Variants in SLC6A19 observed in about 807,000 individuals in gnomAD.
SLC6A19 encodes the protein solute carrier family 6 member 19.
In SLC6A19, 67 loss-of-function variants were observed where a neutral mutation model predicts 68.3. The observed-to-expected ratio is 0.98, with a 90% CI of 0.81 to 1.20. The LOEUF (loss-of-function observed/expected upper bound fraction) is 1.20. Among genes scored for constraint, SLC6A19 ranks in the 50% most tolerant of loss-of-function variants. The pLI, the probability that SLC6A19 is intolerant of heterozygous loss-of-function variation, is 0.00. For synonymous variants in SLC6A19, 392 were observed against 374.9 expected, an observed-to-expected ratio of 1.05 and a Z score of -0.53; for missense variants, 813 against 851.6, an observed-to-expected ratio of 0.95 and a Z score of 0.56.
chr5:1,208,480 C>G (rs1745918096), intron 1 of SLC6A19, among the ~76,000 whole-genome samples: 1 of 152,154 alleles, frequency 6.6e-6, no homozygotes, highest in South Asian at 2.1e-4. Flanking sequence ...CCACACCTCC[C>G]TTAACGACAG....
intron 3 of SLC6A19, among the ~76,000 whole-genome samples, chr5:1,210,962 G>C (rs184279010): frequency 1.3e-5 from 2 of 152,332 alleles, no homozygotes; most frequent in East Asian, 3.9e-4. Context: ...AGGTGGGTCT[G>C]TCCTGCCCAT....
chr5:1,203,448 G>A (rs1464665306), intron 1 of SLC6A19, among the ~76,000 whole-genome samples: 2 of 152,170 alleles, frequency 1.3e-5, no homozygotes, highest in Non-Finnish European at 2.9e-5. Flanking sequence ...GGGCAGGCAG[G>A]CCCAGGTGAG....
At chr5:1,221,480 G>A (rs924870370) in intron 11 of SLC6A19, among the ~76,000 whole-genome samples, 167 bp downstream of exon 11, 1 of 152,128 alleles carries the variant, frequency 6.6e-6, no homozygotes, top group Admixed American at 6.5e-5. Flanking sequence ...GCATCTTGCT[G>A]GTTCCCCCCT....
chr5:1,213,927 T>C, intron 5 of SLC6A19, 26 bp from the exon 6 acceptor site: 1 of 1,611,560 alleles, frequency 6.2e-7, no homozygotes, highest in Non-Finnish European at 8.5e-7. Context: ...GCACCATGAG[T>C]GGCTGAGGGT....
intron 5 of SLC6A19, 39 bp downstream of exon 5, chr5:1,213,612 G>C (rs766961731): frequency 2.6e-6 from 4 of 1,567,816 alleles, no homozygotes; most frequent in Non-Finnish European, 3.5e-6. Context: ...GACCCCGGGA[G>C]AGGCCTGGCT....
chr5:1,215,690 C>CG lies in SLC6A19; in HGVS notation c.888-867dup, dbSNP rs2126508039. 6.6e-6 allele frequency among the ~76,000 whole-genome samples: 1 copy of CG among 152,328 alleles called. No individual in the cohort carries two copies. Among genetic ancestry groups the CG allele is most frequent in the East Asian group, 1.9e-4 (1 of 5,194 alleles). ...TTTTGGCTGTCATGAGTCATGCTGACGTGAGCCTGTGTGTACGCGTTTTTG... is the reference window on the plus strand; with the variant it reads ...TTTTGGCTGTCATGAGTCATGCTGACGGTGAGCCTGTGTGTACGCGTTTTTG... On this transcript the variant is annotated intron_variant, in intron 6 of 11. Coordinates refer to ENST00000304460, the MANE Select transcript of SLC6A19 (RefSeq NM_001003841.3). The surrounding 1 kb of genome is among the most constrained non-coding windows in gnomAD (Gnocchi z 5.1).
chr5:1,218,867 G>A, intron 8 of SLC6A19, 36 bp from the exon 9 acceptor site: 1 of 1,603,768 alleles, frequency 6.2e-7, no homozygotes, highest in Non-Finnish European at 8.5e-7. Flanking sequence ...GCCCACGGAG[G>A]GCAGAGGCCC....
chr5:1,211,918 T>C (rs1746044898), intron 3 of SLC6A19, among the ~76,000 whole-genome samples: 1 of 147,442 alleles, frequency 6.8e-6, no homozygotes, highest in Admixed American at 6.7e-5. Flanking sequence ...TACATGCATG[T>C]GTGTGCATGT....
At chr5:1,204,470 G>A (rs893737514) in intron 1 of SLC6A19, among the ~76,000 whole-genome samples, 1 of 152,236 alleles carries the variant, frequency 6.6e-6, no homozygotes, top group African/African-American at 2.4e-5. Flanking sequence ...ACCAAAAGCC[G>A]TGAGGCGTGG....
chr5:1,204,267 A>G (rs1745792380), intron 1 of SLC6A19, among the ~76,000 whole-genome samples: 1 of 152,168 alleles, frequency 6.6e-6, no homozygotes, highest in Non-Finnish European at 1.5e-5. Flanking sequence ...CCCTCCTTGG[A>G]GAGCCTGTGC....
rs538916532 is a variant in SLC6A19, at chr5:1,218,814, G to A, written c.1174-89G>A. 1.6e-5 allele frequency: 22 copies of A among 1,396,174 alleles called. No homozygotes were observed. The African/African-American group carries it at 1.7e-4, about 11-fold the overall frequency. The allele number at this position is 1,396,174 out of a possible 1,614,324, so 86.5% of individuals were successfully genotyped here. ...CTCAGACCTGCCCGCCCCATGCTGC[G>A]TGGCTTGGCGACGCACGAGACCTCG... On this transcript the variant is annotated intron_variant, in intron 8 of 11. Transcript: ENST00000304460.
chr5:1,201,690 C>G lies in SLC6A19; in HGVS notation c.40C>G (p.Arg14Gly), dbSNP rs754340294. ...GCTGCCCAACCCCGGCCTAGACGCCCGGATCCCGTCCCTGGCTGAGCTGGA... is the reference window on the plus strand; with the variant it reads ...GCTGCCCAACCCCGGCCTAGACGCCGGGATCCCGTCCCTGGCTGAGCTGGA... ...LVLPNPGLDA[R>G]IPSLAELETI... is the part of the protein sequence containing the mutation. The change falls in exon 1 of 12, where the codon CGG becomes GGG. Residue 14 changes from arginine to glycine, a missense_variant. Physicochemically the swap from Arg to Gly is moderately radical, Grantham distance 125. Coordinates refer to ENST00000304460, the MANE Select transcript of SLC6A19 (RefSeq NM_001003841.3). 7 of 1,610,774 alleles carry G rather than the reference C, an allele frequency of 4.3e-6. No homozygotes were observed. The highest frequency in any genetic ancestry group is 5.9e-6 in the Non-Finnish European group (7 of 1,179,812).
chr5:1,211,816 CTG>C (rs763032009), intron 3 of SLC6A19, among the ~76,000 whole-genome samples: 7 of 134,792 alleles, frequency 5.2e-5, no homozygotes, highest in South Asian at 4.9e-4. Context: ...CATGTGTGTA[CTG>C]TGTGTGTGTG....
intron 2 of SLC6A19, 46 bp from the exon 3 acceptor site, chr5:1,210,398 G>T: frequency 6.2e-7 from 1 of 1,609,040 alleles, no homozygotes. Context: ...GGTGGCCAGT[G>T]GAGGGTGTGC....
Position 1,218,903 on chromosome 5 carries a change from G to C in SLC6A19, c.1174G>C (p.Ala392Pro). 1 of 1,613,242 alleles carries C rather than the reference G, an allele frequency of 6.2e-7. No individual in the cohort carries two copies. Among genetic ancestry groups the C allele is most frequent in the Non-Finnish European group, 8.5e-7 (1 of 1,179,994 alleles). Residue 392 changes from alanine (A) to proline (P), a missense_variant and splice_region_variant, in exon 9 of 12, where the codon GCC becomes CCC. Physicochemically the swap from Ala to Pro is conservative, Grantham distance 27 (BLOSUM62 -1). Coordinates refer to ENST00000304460, the MANE Select transcript of SLC6A19 (RefSeq NM_001003841.3). ...TGGTGACTGTGTGTCATCCGTGCAG[G>C]CCGTGGAGGGCACAGGCCTGGCCTT... The part of the protein sequence containing the change: ...TCDINAFLSE[A>P]VEGTGLAFIV...
rs1746180327 is a variant in SLC6A19 at position 1,215,426 on chromosome 5, C to G, written c.888-1132C>G. Among the ~76,000 whole-genome samples, 1 of 152,224 alleles carries G rather than the reference C, an allele frequency of 6.6e-6. No homozygotes were observed. Among genetic ancestry groups the G allele is most frequent in the Admixed American group, 6.5e-5 (1 of 15,292 alleles). ...CTCCCCAGTGCCCTGTCCTCCTGCC[C>G]CGGGTGAGCACTGATGCGCTCTCTG... On this transcript the variant is annotated intron_variant, in intron 6 of 11. Coordinates refer to ENST00000304460, the MANE Select transcript of SLC6A19 (RefSeq NM_001003841.3). The surrounding 1 kb of genome is among the most constrained non-coding windows in gnomAD (Gnocchi z 5.1).
At position 1,220,100 on chromosome 5, in the gene SLC6A19, C is replaced by T. The variant is rs149236763; in HGVS notation, c.1538+436C>T. On this transcript the variant is annotated intron_variant, in intron 10 of 11. Transcript: ENST00000304460. ...TCAGACAGGGACTCTTGGTTGGAGC[C>T]ACCACAACTTTAGAAATAATCAGAC... Among the ~76,000 whole-genome samples the T allele has an allele frequency of 3.0e-3, 457 of 152,146 alleles. 2 individuals are homozygous for T. Among genetic ancestry groups the T allele is most frequent in the Non-Finnish European group, 4.6e-3 (312 of 68,004 alleles).
In SLC6A19 at chr5:1,201,723, G is replaced by A. The variant is rs770692493; in HGVS notation, c.73G>A (p.Glu25Lys). The A allele has an allele frequency of 2.2e-5, 36 of 1,612,336 alleles. No individual in the cohort carries two copies. The Admixed American group carries it at 2.7e-4, about 12-fold the overall frequency. The change falls in exon 1 of 12, where the codon GAG becomes AAG. Residue 25 changes from glutamate (E) to lysine (K), a missense_variant. Coordinates refer to ENST00000304460, the MANE Select transcript of SLC6A19 (RefSeq NM_001003841.3). The part of the protein sequence containing the change: ...IPSLAELETI[E>K]QEEASSRPKW... ...GTCCCTGGCTGAGCTGGAGACCATCGAGCAGGAGGAGGCCAGCTCCCGGCC... is the reference window on the plus strand; with the variant it reads ...GTCCCTGGCTGAGCTGGAGACCATCAAGCAGGAGGAGGCCAGCTCCCGGCC...
Position 1,204,230 on chromosome 5 carries a change from G to A in SLC6A19, c.202+2378G>A, listed in dbSNP as rs78281370. Among the ~76,000 whole-genome samples, 1,391 of 152,304 alleles carry A rather than the reference G, an allele frequency of 9.1e-3. 13 individuals are homozygous for A. The highest frequency in any genetic ancestry group is 0.015 in the Non-Finnish European group (996 of 68,016). On this transcript the variant is annotated intron_variant, in intron 1 of 11. Transcript: ENST00000304460. Reference sequence around the variant, plus strand: ...TTAAAAACCATTTACGCGTGCCTCCGAGTCTCCTGTGTCTTAACAGATTTT... The same window carrying A: ...TTAAAAACCATTTACGCGTGCCTCCAAGTCTCCTGTGTCTTAACAGATTTT...
Sources: gnomAD v4.1 joint callset for allele counts (sites outside exome capture counted in the v4.1 genomes callset) on GRCh38, gnomAD v4.1.1 for gene constraint, Gnocchi (gnomAD v3.1) non-coding constraint, MANE v1.5 for transcripts, NCBI Gene and HGNC (gene_info 2026-07-23, HGNC 2026-07-21) for gene names.